IFT25: variants seen among roughly 807,000 people sequenced by gnomAD.
IFT25 encodes the protein intraflagellar transport protein 25 homolog.
the IFT25 span, among the ~76,000 whole-genome samples, chr1:53,936,462 A>G: frequency 1.2e-3 from 185 of 152,340 alleles, no homozygotes; most frequent in African/African-American, 4.1e-3. Flanking sequence ...AAAAAATAAA[A>G]AAGACATCTA....
At chr1:53,930,976 A>C in the IFT25 span, among the ~76,000 whole-genome samples, 4 of 152,192 alleles carry the variant, frequency 2.6e-5, no homozygotes, top group Admixed American at 2.6e-4. Flanking sequence ...CCTACAGTGG[A>C]ATTTACCTTA....
the IFT25 span, among the ~76,000 whole-genome samples, chr1:53,945,308 G>C: frequency 2.4e-4 from 37 of 152,338 alleles, no homozygotes; most frequent in African/African-American, 7.0e-4. Context: ...TTCCCTTTTG[G>C]GGGGTCAAGA....
chr1:53,928,475 C>T, the IFT25 span: 2 of 1,493,312 alleles, frequency 1.3e-6, no homozygotes, highest in African/African-American at 1.4e-5. Context: ...AAGTGTTAAT[C>T]TGGCTGTATG....
chr1:53,921,934 C>T, the IFT25 span, among the ~76,000 whole-genome samples: 1 of 152,288 alleles, frequency 6.6e-6, no homozygotes, highest in Middle Eastern at 3.4e-3. Context: ...TAAATACCAG[C>T]CTTGATTTGA....
chr1:53,941,601 C>T, the IFT25 span, among the ~76,000 whole-genome samples: 1 of 152,074 alleles, frequency 6.6e-6, no homozygotes, highest in East Asian at 1.9e-4. Flanking sequence ...GAGAACCAGT[C>T]AGTGTGGGAT....
chr1:53,925,125 T>C, the IFT25 span, among the ~76,000 whole-genome samples: 11 of 152,282 alleles, frequency 7.2e-5, no homozygotes, highest in Non-Finnish European at 1.6e-4. Context: ...CTTTATATAG[T>C]ATGGTAGGTA....
chr1:53,944,622 C>T, the IFT25 span, among the ~76,000 whole-genome samples: 146 of 152,278 alleles, frequency 9.6e-4, no homozygotes, highest in African/African-American at 3.5e-3. Context: ...CCAGCGTGGG[C>T]GACGAGCGAT....
chr1:53,920,392 CCTT>C, the IFT25 span, among the ~76,000 whole-genome samples: 886 of 147,444 alleles, frequency 6.0e-3, 6 homozygotes, highest in African/African-American at 0.021. Context: ...CTCAAATTGC[CCTT>C]TTTTTTTTTT....
At chr1:53,928,474 T>C in the IFT25 span, 1 of 1,494,996 alleles carries the variant, frequency 6.7e-7, no homozygotes, top group Non-Finnish European at 9.3e-7. Context: ...AAAGTGTTAA[T>C]CTGGCTGTAT....
At chr1:53,928,380 A>G in the IFT25 span, 2 of 1,611,758 alleles carry the variant, frequency 1.2e-6, no homozygotes, top group Non-Finnish European at 1.7e-6. Context: ...ACCTTTTTCA[A>G]TCCATTGCTC....
At chr1:53,911,865 C>A in the IFT25 span, among the ~76,000 whole-genome samples, 23 of 152,178 alleles carry the variant, frequency 1.5e-4, no homozygotes, top group Non-Finnish European at 2.9e-4. Flanking sequence ...GCACTCAGAA[C>A]TGTGCCTGAC....
the IFT25 span, among the ~76,000 whole-genome samples, chr1:53,937,310 A>G: frequency 1.3e-5 from 2 of 151,920 alleles, no homozygotes; most frequent in Non-Finnish European, 2.9e-5. Context: ...ATAGAGACAG[A>G]GTTTTGCCAA....
At chr1:53,934,059 A>G in the IFT25 span, among the ~76,000 whole-genome samples, 23 of 152,182 alleles carry the variant, frequency 1.5e-4, no homozygotes. Context: ...AAAAGAGGAA[A>G]AAAAGGCAGT....
chr1:53,946,233 C>T, the IFT25 span: 1,512 of 152,100 alleles, frequency 9.9e-3, 28 homozygotes, highest in African/African-American at 0.034. Context: ...CGCGCAGGGC[C>T]CACCTCTGCG....
chr1:53,914,683 T>C, the IFT25 span, among the ~76,000 whole-genome samples: 1 of 152,190 alleles, frequency 6.6e-6, no homozygotes, highest in Non-Finnish European at 1.5e-5. Flanking sequence ...ACTACATGCA[T>C]GTTTAAAACT....
the IFT25 span, among the ~76,000 whole-genome samples, chr1:53,919,874 C>G: frequency 6.6e-6 from 1 of 151,910 alleles, no homozygotes; most frequent in Non-Finnish European, 1.5e-5. Flanking sequence ...ACTGAAGCCA[C>G]GATCTTCTGG....
At chr1:53,941,422 T>C in the IFT25 span, among the ~76,000 whole-genome samples, 1 of 152,254 alleles carries the variant, frequency 6.6e-6, no homozygotes, top group Non-Finnish European at 1.5e-5. Flanking sequence ...GCATTTCTTC[T>C]TAGTTTTTGT....
At chr1:53,943,029 A>G in the IFT25 span, among the ~76,000 whole-genome samples, 5 of 152,148 alleles carry the variant, frequency 3.3e-5, no homozygotes, top group African/African-American at 1.2e-4. Context: ...TGCGACTATA[A>G]TTTTTACTCT....
chr1:53,923,819 T>C, the IFT25 span: 1 of 841,500 alleles, frequency 1.2e-6, no homozygotes, highest in Non-Finnish European at 2.0e-6. Context: ...ATGAGGAAAT[T>C]TATTAACTAT....
Sources: gnomAD v4.1 joint callset for allele counts (sites outside exome capture counted in the v4.1 genomes callset) on GRCh38, gnomAD v4.1.1 for gene constraint, MANE v1.5 for transcripts, NCBI Gene and HGNC (gene_info 2026-07-23, HGNC 2026-07-21) for gene names.